The following SH3RF1 variants were observed in gnomAD, a reference collection of about 807,000 sequenced individuals.
SH3RF1 encodes the protein SH3 domain containing ring finger 1, also known as E3 ubiquitin-protein ligase SH3RF1.
A neutral mutation model predicts 74.0 loss-of-function variants in SH3RF1; 32 were observed. The observed-to-expected ratio is 0.43, with a 90% confidence interval of 0.33 to 0.58. SH3RF1 has a LOEUF of 0.58. Among genes scored for constraint, SH3RF1 ranks in the 20% least tolerant of loss-of-function variants. The pLI is 0.05. For synonymous variants in SH3RF1, 396 were observed against 439.6 expected (o/e 0.90, Z 1.24); for missense variants, 954 against 1,130.9 (o/e 0.84, Z 2.24).
At chr4:169,256,015 G>A (rs182516663) in intron 2 of SH3RF1, among the ~76,000 whole-genome samples, 34 of 152,028 alleles carry the variant, frequency 2.2e-4, no homozygotes, top group African/African-American at 7.0e-4. Flanking sequence ...CAATCCTTCC[G>A]CCTGAGCCAT....
chr4:169,268,027 T>C (rs903383892), intron 2 of SH3RF1, among the ~76,000 whole-genome samples: 2 of 152,022 alleles, frequency 1.3e-5, no homozygotes, highest in African/African-American at 4.8e-5. Context: ...ACATAATTTA[T>C]ATTTATTAGA....
chr4:169,178,540 C>T (rs1734459577), intron 2 of SH3RF1, among the ~76,000 whole-genome samples: 1 of 152,030 alleles, frequency 6.6e-6, no homozygotes, highest in South Asian at 2.1e-4. Context: ...GGACAGGGCT[C>T]TGGAACACAG....
At chr4:169,177,283 A>C (rs1316928405) in intron 2 of SH3RF1, among the ~76,000 whole-genome samples, 1 of 152,154 alleles carries the variant, frequency 6.6e-6, no homozygotes, top group African/African-American at 2.4e-5. Context: ...CTGCCCTTCA[A>C]TTTCAAATTT....
chr4:169,266,244 A>G (rs1482444334), intron 2 of SH3RF1, among the ~76,000 whole-genome samples: 1 of 152,220 alleles, frequency 6.6e-6, no homozygotes, highest in Non-Finnish European at 1.5e-5. Context: ...AGGAGGCCAC[A>G]TGGTCACAGC....
chr4:169,183,759 A>AC (rs201613193), intron 2 of SH3RF1, among the ~76,000 whole-genome samples: 4,378 of 151,780 alleles, frequency 0.029, 169 homozygotes, highest in African/African-American at 0.086. Flanking sequence ...TTAAAAAAAA[A>AC]AAAACAAAAC....
intron 2 of SH3RF1, among the ~76,000 whole-genome samples, chr4:169,255,882 C>G (rs1024973653): frequency 6.6e-6 from 1 of 152,094 alleles, no homozygotes; most frequent in African/African-American, 2.4e-5. Flanking sequence ...TTCCTCCCCC[C>G]TCAGCTTCTG....
chr4:169,131,563 G>C (rs1228717512), intron 5 of SH3RF1, among the ~76,000 whole-genome samples: 2 of 152,342 alleles, frequency 1.3e-5, no homozygotes, highest in East Asian at 3.9e-4. Flanking sequence ...ACATGAGGCA[G>C]GAGAATAGGG....
chr4:169,192,439 C>A (rs1192410881), intron 2 of SH3RF1, among the ~76,000 whole-genome samples: 1 of 152,032 alleles, frequency 6.6e-6, no homozygotes, highest in African/African-American at 2.4e-5. Context: ...TAATGCGATA[C>A]CACCTTATTC....
chr4:169,101,653 A>AT lies in SH3RF1; in HGVS notation c.2499-4967dup, dbSNP rs571120455. ...AAAATAAGATATATGAATGAATAAA[A>AT]TTTTTTGTTTAAAAAAAAGGCAAAA... On this transcript the variant is annotated intron_variant, in intron 11 of 11. Transcript: ENST00000284637. Among the ~76,000 whole-genome samples the AT allele has an allele frequency of 1.3e-3, 201 of 150,230 alleles. 2 individuals carry two copies. The South Asian group carries it at 0.025, about 19-fold the overall frequency.
At chr4:169,148,330 A>G (rs1733925568) in intron 4 of SH3RF1, among the ~76,000 whole-genome samples, 1 of 152,210 alleles carries the variant, frequency 6.6e-6, no homozygotes, top group Non-Finnish European at 1.5e-5. Flanking sequence ...TTTGTCTACA[A>G]AATGGTAAAA....
chr4:169,169,438 A>T (rs1734291599), intron 2 of SH3RF1, among the ~76,000 whole-genome samples: 1 of 152,012 alleles, frequency 6.6e-6, no homozygotes. Flanking sequence ...CTCTACTAAA[A>T]ATTAAAAAGT....
chr4:169,263,077 T>C (rs142043438), intron 2 of SH3RF1, among the ~76,000 whole-genome samples: 1 of 152,214 alleles, frequency 6.6e-6, no homozygotes, highest in Non-Finnish European at 1.5e-5. Context: ...AACCACCACA[T>C]TAAATGTCTT....
At chr4:169,253,872 A>G (rs1470404317) in intron 2 of SH3RF1, among the ~76,000 whole-genome samples, 2 of 152,226 alleles carry the variant, frequency 1.3e-5, no homozygotes, top group Non-Finnish European at 2.9e-5. Context: ...AGGAGATAAC[A>G]TATCACATAT....
chr4:169,251,123 C>T (rs1299416062), intron 2 of SH3RF1, among the ~76,000 whole-genome samples: 3 of 152,140 alleles, frequency 2.0e-5, no homozygotes, highest in African/African-American at 7.2e-5. Context: ...ACATGTCACA[C>T]TAACTGAGGT....
chr4:169,183,710 C>T (rs912948312), intron 2 of SH3RF1, among the ~76,000 whole-genome samples: 17 of 150,028 alleles, frequency 1.1e-4, no homozygotes, highest in African/African-American at 3.9e-4. Context: ...GCTGTGCCAC[C>T]GCACTGCAGC....
intron 6 of SH3RF1, among the ~76,000 whole-genome samples, chr4:169,128,254 T>G (rs562877000): frequency 6.6e-6 from 1 of 152,222 alleles, no homozygotes; most frequent in African/African-American, 2.4e-5. Context: ...GTCATGATGG[T>G]TAAGGAAGTT....
Position 169,117,748 on chromosome 4 carries a change from T to C in SH3RF1, c.1552A>G (p.Met518Val), listed in dbSNP as rs777427834. The C allele has an allele frequency of 1.9e-6, 3 of 1,612,940 alleles. No homozygotes were observed. The highest frequency in any genetic ancestry group is 2.2e-5 in the East Asian group (1 of 44,832). ...CGACTTGTCTGGCCAGCTGTAGACA[T>C]AGGGACTTTAGCTTGGGAAGCATTT... ...VTNASQAKVP[M>V]STAGQTSRGV... Residue 518 changes from methionine (M) to valine (V), a missense_variant, in exon 9 of 12, where the codon ATG becomes GTG. Around this residue, in one of 3 missense-constraint regions of SH3RF1, gnomAD observed 854 missense variants for 962.5 expected, o/e 0.89. Transcript: ENST00000284637.
intron 4 of SH3RF1, 96 bp from the exon 5 acceptor site, chr4:169,136,716 A>G (rs1213706924): frequency 7.5e-7 from 1 of 1,339,240 alleles, no homozygotes; most frequent in Non-Finnish European, 9.9e-7. Context: ...CAAAATTTAA[A>G]GTCACTACTT....
At chr4:169,245,888 T>A (rs1730988784) in intron 2 of SH3RF1, among the ~76,000 whole-genome samples, 1 of 152,198 alleles carries the variant, frequency 6.6e-6, no homozygotes, top group African/African-American at 2.4e-5. Context: ...AAACCAAATG[T>A]ACTGAAAAGT....
Sources: allele counts gnomAD v4.1 joint callset (sites outside exome capture counted in the v4.1 genomes callset), GRCh38; gene constraint gnomAD v4.1.1; regional missense constraint gnomAD v4.1.1; transcripts MANE v1.5; gene names NCBI Gene and HGNC (gene_info 2026-07-23, HGNC 2026-07-21).